NFRKB: variants seen among roughly 807,000 people sequenced by gnomAD.
The protein encoded by NFRKB is nuclear factor related to kappa-B-binding protein.
In NFRKB, 62 loss-of-function variants were observed where a neutral mutation model predicts 135.7. The observed-to-expected ratio is 0.46, with a 90% CI of 0.37 to 0.56. NFRKB has a LOEUF of 0.56. NFRKB is among the 20% of genes least tolerant of loss of function. The pLI, the probability that NFRKB is intolerant of heterozygous loss-of-function variation, is 0.00. For synonymous variants in NFRKB, 678 were observed against 635.6 expected (o/e 1.07, Z -1.00); for missense variants, 1,545 against 1,662.0 (o/e 0.93, Z 1.22).
chr11:129,867,590 T>A (rs1948263055), intron 24 of NFRKB, among the ~76,000 whole-genome samples: 1 of 152,194 alleles, frequency 6.6e-6, no homozygotes, highest in Admixed American at 6.5e-5. Context: ...GTGCTGGGAT[T>A]ACAGGTGTGA....
rs1330464616 is a variant in NFRKB at position 129,875,459 on chromosome 11, C to G, written c.1752G>C (p.Arg584=). 1 of 1,600,396 alleles carries G rather than the reference C, an allele frequency of 6.2e-7. No individual in the cohort carries two copies. Among genetic ancestry groups the G allele is most frequent in the African/African-American group, 1.3e-5 (1 of 74,890 alleles). The change falls in exon 18 of 27, where the codon CGG becomes CGC. Residue 584 remains arginine (R), a synonymous_variant. Transcript: ENST00000682444. ...PAYVTILSLV[R]DAAARLPNGE... ...CATTAGGCAGTCGAGCCGCAGCGTCCCGAACTGATGACATGAGAAAGCACA... is the reference window on the plus strand; with the variant it reads ...CATTAGGCAGTCGAGCCGCAGCGTCGCGAACTGATGACATGAGAAAGCACA...
chr11:129,864,747 T>C lies in NFRKB; in HGVS notation c.3878A>G (p.Lys1293Arg), dbSNP rs558958013. ...TAATCATTGTTGCTCAGGTGCCTGT[T>C]TAGGAGACGGAGCTGTAGTCACAAC... ...TVVVTTAPSP[K>R]QAPEQQ Residue 1293 changes from lysine (K) to arginine (R), a missense_variant, in exon 27 of 27, where the codon AAA (lysine) becomes AGA (arginine). Around this residue, in one of 3 missense-constraint regions of NFRKB, gnomAD observed 753 missense variants for 804.3 expected, o/e 0.94. Coordinates refer to ENST00000682444, the MANE Select transcript of NFRKB (RefSeq NM_001143835.2). 1 of 1,614,192 alleles carries C rather than the reference T, an allele frequency of 6.2e-7. No homozygotes were observed. The highest frequency in any genetic ancestry group is 1.7e-5 in the Admixed American group (1 of 60,032).
chr11:129,865,850 G>A (rs1948164027), intron 25 of NFRKB, 27 bp downstream of exon 25: 3 of 1,608,836 alleles, frequency 1.9e-6, no homozygotes, highest in African/African-American at 1.3e-5. Context: ...CCCCGAATTG[G>A]TTCCTTTACC....
At chr11:129,877,438 C>A in intron 15 of NFRKB, 53 bp from the exon 16 acceptor site, 1 of 1,488,198 alleles carries the variant, frequency 6.7e-7, no homozygotes, top group Non-Finnish European at 9.4e-7. Context: ...GTGTGTCAGA[C>A]CCATTGCCCC....
chr11:129,876,046 A>G (rs1754878710), intron 17 of NFRKB, among the ~76,000 whole-genome samples: 1 of 152,200 alleles, frequency 6.6e-6, no homozygotes, highest in African/African-American at 2.4e-5. Flanking sequence ...TACATCTTAA[A>G]CTGAAATTAA....
Position 129,870,156 on chromosome 11 carries a change from G to C in NFRKB, c.2869C>G (p.Pro957Ala). The change falls in exon 24 of 27, where the codon CCC becomes GCC. Residue 957 changes from proline to alanine, a missense_variant. By Grantham distance (27) the Pro-to-Ala change is conservative (BLOSUM62 -1). Transcript: ENST00000682444. ...TTGGCATCTGTGGTGATGGAAGAGG[G>C]CGGCAGACGCAATACATCCTTACCC... ...IQGKDVLRLP[P>A]SSITTDAKGQ... The C allele has an allele frequency of 3.7e-6, 6 of 1,614,226 alleles. No individual in the cohort carries two copies. The highest frequency in any genetic ancestry group is 5.1e-6 in the Non-Finnish European group (6 of 1,180,032).
intron 17 of NFRKB, among the ~76,000 whole-genome samples, chr11:129,876,483 T>A (rs1432590793): frequency 6.6e-6 from 1 of 152,174 alleles, no homozygotes; most frequent in African/African-American, 2.4e-5. Flanking sequence ...TTAACCTATT[T>A]AGCTGGTCTG....
At position 129,884,127 on chromosome 11, in the gene NFRKB, C is replaced by T. The variant is rs1191800085; in HGVS notation, c.759G>A (p.Gly253=). ...DMKTADKVEL[G]DSDLKIMLKK... ...TTAACATTATCTTCAGGTCACTGTCCCCCAGTTCTACTTTATCTGAGAAAA... is the reference window on the plus strand; with the variant it reads ...TTAACATTATCTTCAGGTCACTGTCTCCCAGTTCTACTTTATCTGAGAAAA... The change falls in exon 8 of 27, where the codon GGG becomes GGA. Residue 253 remains glycine (G), a synonymous_variant. Transcript: ENST00000682444. 3.1e-6 allele frequency: 5 copies of T among 1,614,178 alleles called. 1 individual carries two copies. The South Asian group carries it at 4.4e-5, about 14-fold the overall frequency.
chr11:129,878,683 C>G (rs907432750), intron 13 of NFRKB, 140 bp from the exon 14 acceptor site: 2 of 733,312 alleles, frequency 2.7e-6, no homozygotes, highest in Non-Finnish European at 4.5e-6. Context: ...ACATCCACTG[C>G]CTTCCAGCTG....
Position 129,884,813 on chromosome 11 carries a change from C to A in NFRKB, c.674G>T (p.Arg225Leu). The change falls in exon 7 of 27, where the codon CGT becomes CTT. Residue 225 changes from arginine to leucine, a missense_variant. This residue lies in a region of NFRKB where 678 missense variants were observed against 646.7 expected (regional missense o/e 1.05). Coordinates refer to ENST00000682444, the MANE Select transcript of NFRKB (RefSeq NM_001143835.2). Reference sequence around the variant, plus strand: ...CAGGGGCACCGCAGGACTAGGAGAACGTGCTGGAGAGCTCGGAAGCCATGA... The same window carrying A: ...CAGGGGCACCGCAGGACTAGGAGAAAGTGCTGGAGAGCTCGGAAGCCATGA... ...LSSWLPSSPA[R>L]SPSPAVPLRV... 1.2e-6 allele frequency: 2 copies of A among 1,614,182 alleles called. No individual in the cohort carries two copies. Among genetic ancestry groups the A allele is most frequent in the Non-Finnish European group, 8.5e-7 (1 of 1,180,024 alleles).
intron 1 of NFRKB, 78 bp from the exon 2 acceptor site, chr11:129,894,516 T>C (rs1023608788): frequency 2.0e-5 from 3 of 152,210 alleles, no homozygotes; most frequent in Non-Finnish European, 4.4e-5. Context: ...AATTCTCCAA[T>C]GATAAAGAAC....
At position 129,869,829 on chromosome 11, in the gene NFRKB, C is replaced by T. The variant is rs144055750; in HGVS notation, c.3196G>A (p.Val1066Met). 394 of 1,614,274 alleles carry T rather than the reference C, an allele frequency of 2.4e-4. 2 individuals are homozygous for T. The East Asian group carries it at 3.5e-3, about 14-fold the overall frequency. The change falls in exon 24 of 27, where the codon GTG becomes ATG. Residue 1066 changes from valine (V) to methionine (M), a missense_variant. Physicochemically the swap from Val to Met is conservative, Grantham distance 21. This residue lies in a region of NFRKB where 753 missense variants were observed against 804.3 expected (regional missense o/e 0.94). Transcript: ENST00000682444. Reference sequence around the variant, plus strand: ...TTTCCCTTCTGGTCAGCCACACTCACGCCAAGAGCTGGCATCAAGCGAAAA... The same window carrying T: ...TTTCCCTTCTGGTCAGCCACACTCATGCCAAGAGCTGGCATCAAGCGAAAA... ...SAFRLMPALG[V>M]SVADQKGKST...
At chr11:129,879,717 CCCT>C (rs1375576902) in intron 13 of NFRKB, among the ~76,000 whole-genome samples, 57 of 152,160 alleles carry the variant, frequency 3.7e-4, no homozygotes, top group Non-Finnish European at 1.3e-4. Flanking sequence ...CCGTGAAGAG[CCCT>C]CCTCGGCCCT....
At chr11:129,882,252 A>G in intron 10 of NFRKB, 58 bp from the exon 11 acceptor site, 1 of 1,479,726 alleles carries the variant, frequency 6.8e-7, no homozygotes, top group Non-Finnish European at 9.2e-7. Context: ...CCCTAGATTG[A>G]TTCAGGCGCC....
chr11:129,873,627 C>T, intron 22 of NFRKB, 118 bp downstream of exon 22: 1 of 1,355,620 alleles, frequency 7.4e-7, no homozygotes, highest in Non-Finnish European at 1.0e-6. Context: ...TGAATGTCAT[C>T]ACCAGTAGCA....
chr11:129,870,267 T>C lies in NFRKB; in HGVS notation c.2764-6A>G, dbSNP rs749794181. 5.6e-6 allele frequency: 9 copies of C among 1,610,668 alleles called. No individual in the cohort carries two copies. The highest frequency in any genetic ancestry group is 1.1e-5 in the South Asian group (1 of 90,880). On this transcript the variant is annotated splice_region_variant and splice_polypyrimidine_tract_variant and intron_variant, in intron 23 of 26. Transcript: ENST00000682444. Reference sequence around the variant, plus strand: ...AGCTGCCCAGTGATTGCCACCTGAATGGGGAGAAGCAGCACTGATGAGGGA... The same window carrying C: ...AGCTGCCCAGTGATTGCCACCTGAACGGGGAGAAGCAGCACTGATGAGGGA...
intron 16 of NFRKB, 35 bp downstream of exon 16, chr11:129,877,290 G>T: frequency 1.2e-6 from 2 of 1,601,624 alleles, no homozygotes; most frequent in Non-Finnish European, 1.7e-6. Context: ...ATGGCTCACA[G>T]AGGCAGAGAC....
At position 129,874,491 on chromosome 11, in the gene NFRKB, A is replaced by T. The variant is rs762814578; in HGVS notation, c.2058+10T>A. ...ATCCCTAGGGCAGACACTCTCCTGA[A>T]GTCACTTACCACCTTGGATGGGGGC... On this transcript the variant is annotated intron_variant, in intron 20 of 26. Coordinates refer to ENST00000682444, the MANE Select transcript of NFRKB (RefSeq NM_001143835.2). The surrounding 1 kb of genome is among the most constrained non-coding windows in gnomAD (Gnocchi z 4.5). The T allele has an allele frequency of 6.2e-7, 1 of 1,612,468 alleles. No individual in the cohort carries two copies. Among genetic ancestry groups the T allele is most frequent in the Admixed American group, 1.7e-5 (1 of 59,700 alleles).
At chr11:129,895,319 C>T (rs1949723714) in intron 1 of NFRKB, among the ~76,000 whole-genome samples, 177 bp downstream of exon 1, 1 of 152,106 alleles carries the variant, frequency 6.6e-6, no homozygotes, top group African/African-American at 2.4e-5. Flanking sequence ...CCCCGCCCCT[C>T]CCCCACGCCG....
Sources: allele counts gnomAD v4.1 joint callset (sites outside exome capture counted in the v4.1 genomes callset), GRCh38; gene constraint gnomAD v4.1.1; regional missense constraint gnomAD v4.1.1; non-coding constraint Gnocchi (gnomAD v3.1); transcripts MANE v1.5; gene names NCBI Gene and HGNC (gene_info 2026-07-23, HGNC 2026-07-21).